WNK2: variants seen among roughly 807,000 people sequenced by gnomAD.
WNK2 encodes serine/threonine-protein kinase WNK2.
A neutral mutation model predicts 192.1 loss-of-function variants in WNK2; 67 were observed. The observed-to-expected ratio is 0.35, with a 90% CI of 0.29 to 0.43. The LOEUF (loss-of-function observed/expected upper bound fraction) is 0.43. WNK2 is among the 20% of genes least tolerant of loss of function. The pLI is 1.00. For missense variants in WNK2, 2,698 were observed against 3,089.7 expected, an observed-to-expected ratio of 0.87 and a Z score of 3.01; for synonymous variants, 1,439 against 1,393.9, an observed-to-expected ratio of 1.03 and a Z score of -0.72.
intron 21 of WNK2, 21 bp downstream of exon 21, chr9:93,290,068 C>G (rs1564179730): frequency 6.4e-7 from 1 of 1,553,974 alleles, no homozygotes; most frequent in Non-Finnish European, 8.7e-7. Flanking sequence ...CCTGCTGAAC[C>G]CTGCGTTCAC....
intron 5 of WNK2, among the ~76,000 whole-genome samples, chr9:93,236,757 G>C (rs973695056): frequency 6.6e-6 from 1 of 152,250 alleles, no homozygotes; most frequent in Non-Finnish European, 1.5e-5. Flanking sequence ...GCCAGCAGCA[G>C]TGACCACAAA....
intron 2 of WNK2, among the ~76,000 whole-genome samples, chr9:93,196,047 C>G (rs1019303350): frequency 5.9e-5 from 9 of 152,160 alleles, no homozygotes; most frequent in African/African-American, 2.2e-4. Flanking sequence ...AGGAACTTCT[C>G]AGAGCCTTTA....
chr9:93,210,180 C>T (rs1295336475), intron 2 of WNK2, among the ~76,000 whole-genome samples: 4 of 152,110 alleles, frequency 2.6e-5, no homozygotes, highest in Non-Finnish European at 4.4e-5. Flanking sequence ...CCCTGCCTCT[C>T]TGCAGTAAGC....
chr9:93,309,061 G>A (rs1282402525), intron 28 of WNK2: 1 of 992,308 alleles, frequency 1.0e-6, no homozygotes, highest in East Asian at 1.1e-4. Context: ...TGCTGTCCTA[G>A]GTTTTCACAC....
intron 2 of WNK2, among the ~76,000 whole-genome samples, chr9:93,214,309 A>T (rs984826372): frequency 6.6e-6 from 1 of 151,170 alleles, no homozygotes; most frequent in Non-Finnish European, 1.5e-5. Flanking sequence ...ATATTTATTT[A>T]TTTATTTATT....
chr9:93,295,865 A>C (rs1258552599), intron 23 of WNK2, among the ~76,000 whole-genome samples: 8 of 103,958 alleles, frequency 7.7e-5, no homozygotes, highest in South Asian at 3.3e-4. Flanking sequence ...TCCTCCCCTC[A>C]CCTTCCTCCC....
intron 9 of WNK2, among the ~76,000 whole-genome samples, chr9:93,254,413 T>C (rs1842995268): frequency 6.6e-6 from 1 of 152,226 alleles, no homozygotes; most frequent in African/African-American, 2.4e-5. Context: ...TGATGTCGGC[T>C]GAGCGTGGGC....
At chr9:93,319,052 A>T (rs369036642) in intron 29 of WNK2, 1 of 1,595,342 alleles carries the variant, frequency 6.3e-7, no homozygotes, top group African/African-American at 1.3e-5. Flanking sequence ...TGTTCTCTGT[A>T]CTGGGCCCCC....
intron 12 of WNK2, among the ~76,000 whole-genome samples, chr9:93,260,496 C>G (rs940285678): frequency 6.6e-6 from 1 of 152,184 alleles, no homozygotes; most frequent in African/African-American, 2.4e-5. Flanking sequence ...TGAGCCTCAG[C>G]CTCCGCAGGA....
rs1313369482 is a variant in WNK2, at chr9:93,262,241, C to T, written c.3360+134C>T. On this transcript the variant is annotated intron_variant, in intron 13 of 29. Transcript: ENST00000427277. ...GGGACAGCCACCCAGGTTCTGTTCT[C>T]ACCTCTCCCTAGATTTCACACTTTC... is the stretch of plus-strand genomic sequence containing the variant. 1.7e-5 allele frequency: 18 copies of T among 1,083,362 alleles called. No homozygotes were observed. The South Asian group carries it at 2.2e-4, about 13-fold the overall frequency. The allele number at this position is 1,083,362 out of a possible 1,614,324, so 67.1% of individuals were successfully genotyped here.
rs1468451740 is a variant in WNK2, at chr9:93,261,815, T to G, written c.3068T>G (p.Ile1023Ser). Residue 1023 changes from isoleucine to serine, a missense_variant and splice_region_variant, in exon 13 of 30, where the codon ATT becomes AGT. Transcript: ENST00000427277. ...GCACCTTGTCCCCTGTGCCCCCAGA[T>G]TCTGCTTGGCCACCCAGCTCCCTAT... The part of the protein sequence containing the change: ...AAPAATPGSQ[I>S]LLGHPAPYAV... 1.3e-6 allele frequency: 2 copies of G among 1,585,378 alleles called. No homozygotes were observed. Among genetic ancestry groups the G allele is most frequent in the Non-Finnish European group, 8.6e-7 (1 of 1,168,976 alleles).
At chr9:93,244,719 C>T (rs1359852801) in intron 7 of WNK2, among the ~76,000 whole-genome samples, 1 of 152,176 alleles carries the variant, frequency 6.6e-6, no homozygotes, top group Admixed American at 6.5e-5. Flanking sequence ...AGCAGAGGCC[C>T]GGGCCAAGCA....
intron 9 of WNK2, among the ~76,000 whole-genome samples, chr9:93,254,308 G>A (rs1842982097): frequency 6.6e-6 from 1 of 152,216 alleles, no homozygotes; most frequent in Non-Finnish European, 1.5e-5. Flanking sequence ...TGTGTACTCC[G>A]GGCCAAGCTC....
chr9:93,255,876 G>A (rs1033843868), intron 9 of WNK2, among the ~76,000 whole-genome samples: 6 of 152,168 alleles, frequency 3.9e-5, no homozygotes, highest in African/African-American at 1.4e-4. Context: ...TCACTCCGCC[G>A]CTGGAGTGCT....
chr9:93,298,124 C>T (rs1850929354), intron 24 of WNK2, 57 bp downstream of exon 24: 1 of 1,528,832 alleles, frequency 6.5e-7, no homozygotes. Flanking sequence ...CCCGAGTGAG[C>T]CTGGGAGGTA....
chr9:93,262,752 G>T lies in WNK2; in HGVS notation c.3410+33G>T, dbSNP rs760193060. On this transcript the variant is annotated intron_variant, in intron 14 of 29. Coordinates refer to ENST00000427277, the MANE Select transcript of WNK2 (RefSeq NM_006648.4). ...GGCCCAGCCTCGACCTCGCAGGACGGGTGTAGGGGCGCAGGCCTGTACAGC... is the reference window on the plus strand; with the variant it reads ...GGCCCAGCCTCGACCTCGCAGGACGTGTGTAGGGGCGCAGGCCTGTACAGC... 4 of 1,609,292 alleles carry T rather than the reference G, an allele frequency of 2.5e-6. No homozygotes were observed. In the South Asian group the frequency reaches 4.4e-5, roughly 18 times the overall value.
intron 29 of WNK2, chr9:93,319,187 A>G (rs1855215335): frequency 6.2e-7 from 1 of 1,613,456 alleles, no homozygotes; most frequent in Admixed American, 1.7e-5. Context: ...GAAGGAGAAA[A>G]ATAAACACTT....
chr9:93,185,811 C>T (rs1564249738), intron 2 of WNK2, among the ~76,000 whole-genome samples: 2 of 152,182 alleles, frequency 1.3e-5, no homozygotes, highest in Non-Finnish European at 2.9e-5. Flanking sequence ...TGTCCGTGCG[C>T]AGGTTGCGGT....
chr9:93,252,841 T>C (rs1257615769), intron 8 of WNK2, 42 bp from the exon 9 acceptor site: 1 of 1,349,764 alleles, frequency 7.4e-7, no homozygotes, highest in Non-Finnish European at 9.6e-7. Flanking sequence ...TCATGTGACA[T>C]TTGGAGATGT....
Sources: gnomAD v4.1 joint callset for allele counts (sites outside exome capture counted in the v4.1 genomes callset) on GRCh38, gnomAD v4.1.1 for gene constraint, MANE v1.5 for transcripts, NCBI Gene and HGNC (gene_info 2026-07-23, HGNC 2026-07-21) for gene names.